Variants in DSCAM observed in about 807,000 individuals in gnomAD.
DSCAM encodes cell adhesion molecule DSCAM.
In DSCAM, 47 loss-of-function variants were observed where a neutral mutation model predicts 217.7. The observed-to-expected ratio is 0.22, with a 90% CI of 0.17 to 0.28. The LOEUF (loss-of-function observed/expected upper bound fraction) is 0.28, where lower values mean the gene tolerates loss of function less well. Among genes scored for constraint, DSCAM ranks in the 10% least tolerant of loss-of-function variants. The pLI, the probability that DSCAM is intolerant of heterozygous loss-of-function variation, is 1.00. For missense variants in DSCAM, 2,080 were observed against 2,618.3 expected (o/e 0.79, Z 4.49); for synonymous variants, 1,056 against 1,015.3 (o/e 1.04, Z -0.76).
intron 3 of DSCAM, among the ~76,000 whole-genome samples, chr21:40,597,980 G>A (rs919237523): frequency 6.6e-6 from 1 of 152,164 alleles, no homozygotes; most frequent in Non-Finnish European, 1.5e-5. Flanking sequence ...ACATTAAGCT[G>A]TACTCTGTGT....
chr21:40,692,694 A>C, intron 3 of DSCAM, 116 bp downstream of exon 3: 3 of 1,291,622 alleles, frequency 2.3e-6, no homozygotes, highest in Non-Finnish European at 3.2e-6. Flanking sequence ...CATCAGCCTT[A>C]AGAATACTAA....
At chr21:40,634,711 T>C (rs550878128) in intron 3 of DSCAM, among the ~76,000 whole-genome samples, 3 of 152,326 alleles carry the variant, frequency 2.0e-5, no homozygotes, top group South Asian at 4.1e-4. Flanking sequence ...GTGTATTCAT[T>C]TGAAGCCTGT....
intron 1 of DSCAM, among the ~76,000 whole-genome samples, chr21:40,838,377 C>G (rs999558547): frequency 1.3e-5 from 2 of 152,178 alleles, no homozygotes; most frequent in Non-Finnish European, 2.9e-5. Context: ...CCCCTCAGCC[C>G]CTGTGACCCA....
At chr21:40,637,596 T>TATATATAAATATATACATATATAA (rs2089814495) in intron 3 of DSCAM, among the ~76,000 whole-genome samples, 1 of 62,300 alleles carries the variant, frequency 1.6e-5, no homozygotes, top group African/African-American at 6.6e-5. Flanking sequence ...CATATATAAA[T>TATATATAAATATATACATATATAA]ATATATATAA....
At chr21:40,018,174 G>GA (rs746631576) in intron 32 of DSCAM, among the ~76,000 whole-genome samples, 57 of 152,126 alleles carry the variant, frequency 3.7e-4, no homozygotes, top group Non-Finnish European at 5.9e-4. Context: ...CTGTCATTAA[G>GA]AAAAAATTGA....
At chr21:40,574,745 G>C (rs1322116105) in intron 3 of DSCAM, among the ~76,000 whole-genome samples, 1 of 138,140 alleles carries the variant, frequency 7.2e-6, no homozygotes, top group African/African-American at 2.8e-5. Context: ...GACTTGCTCT[G>C]TCGCCTAGGC....
intron 20 of DSCAM, among the ~76,000 whole-genome samples, chr21:40,120,900 G>C (rs1345517797): frequency 6.6e-6 from 1 of 152,170 alleles, no homozygotes; most frequent in Non-Finnish European, 1.5e-5. Context: ...AAAAAAGCTT[G>C]TCTATTTTAA....
In DSCAM at chr21:40,249,936, T is replaced by G. The variant is rs373609802; in HGVS notation, c.2356+26161A>C. On this transcript the variant is annotated intron_variant, in intron 11 of 32. Coordinates refer to ENST00000400454, the MANE Select transcript of DSCAM (RefSeq NM_001389.5). ...CAAGGCCTCCTGGCACTATTCCAAGTGGAAGGAAACCCTAAGCTGACACAC... is the reference window on the plus strand; with the variant it reads ...CAAGGCCTCCTGGCACTATTCCAAGGGGAAGGAAACCCTAAGCTGACACAC... 4.1e-4 allele frequency among the ~76,000 whole-genome samples: 63 copies of G among 152,250 alleles called. No homozygotes were observed. The South Asian group carries it at 8.9e-3, about 22-fold the overall frequency.
chr21:40,416,325 T>C (rs182258391), intron 3 of DSCAM, among the ~76,000 whole-genome samples: 1 of 152,334 alleles, frequency 6.6e-6, no homozygotes, highest in East Asian at 1.9e-4. Context: ...ACACAGATTA[T>C]GTCTTCATCT....
chr21:40,692,378 A>C (rs559812504), intron 3 of DSCAM, among the ~76,000 whole-genome samples: 2 of 152,368 alleles, frequency 1.3e-5, no homozygotes, highest in East Asian at 3.9e-4. Context: ...CAGAGATACA[A>C]CATAACTCTC....
intron 1 of DSCAM, among the ~76,000 whole-genome samples, chr21:40,773,306 C>T (rs545019912): frequency 1.3e-5 from 2 of 152,306 alleles, no homozygotes; most frequent in Admixed American, 1.3e-4. Flanking sequence ...TGTTAATTCC[C>T]ATGCCTCTCT....
At chr21:40,644,662 A>G (rs2089922133) in intron 3 of DSCAM, among the ~76,000 whole-genome samples, 1 of 152,148 alleles carries the variant, frequency 6.6e-6, no homozygotes, top group Admixed American at 6.5e-5. Context: ...CCTAAAGAAC[A>G]TTGCATTCGG....
At chr21:40,506,741 T>A (rs550517325) in intron 3 of DSCAM, among the ~76,000 whole-genome samples, 1 of 152,278 alleles carries the variant, frequency 6.6e-6, no homozygotes, top group East Asian at 1.9e-4. Flanking sequence ...GGAAGAAGCG[T>A]TTTTAAAACT....
intron 1 of DSCAM, among the ~76,000 whole-genome samples, chr21:40,722,348 T>C (rs2090910640): frequency 6.6e-6 from 1 of 152,062 alleles, no homozygotes; most frequent in Non-Finnish European, 1.5e-5. Context: ...GTTTGTAACA[T>C]ATAGATAAAA....
At chr21:40,307,732 A>G (rs2074094589) in intron 9 of DSCAM, among the ~76,000 whole-genome samples, 1 of 152,212 alleles carries the variant, frequency 6.6e-6, no homozygotes, top group African/African-American at 2.4e-5. Flanking sequence ...GCACATATAC[A>G]TCATGGAATA....
At chr21:40,388,250 G>A (rs1426365495) in intron 3 of DSCAM, among the ~76,000 whole-genome samples, 1 of 152,146 alleles carries the variant, frequency 6.6e-6, no homozygotes, top group Non-Finnish European at 1.5e-5. Context: ...GAAAGAACGA[G>A]GTATGCGTGA....
chr21:40,209,698 C>T (rs2091163630), intron 11 of DSCAM, among the ~76,000 whole-genome samples: 1 of 152,156 alleles, frequency 6.6e-6, no homozygotes, highest in Non-Finnish European at 1.5e-5. Context: ...TGGCCTGGTC[C>T]TTCTTGGTCA....
intron 4 of DSCAM, among the ~76,000 whole-genome samples, chr21:40,357,453 C>T (rs1010090987): frequency 6.6e-6 from 1 of 152,142 alleles, no homozygotes; most frequent in Non-Finnish European, 1.5e-5. Flanking sequence ...AACTAGAAGA[C>T]ACAAAGTTGT....
In DSCAM at chr21:40,822,924, C is replaced by G. The variant is rs919129800; in HGVS notation, c.43+23695G>C. Among the ~76,000 whole-genome samples the G allele has an allele frequency of 6.6e-5, 10 of 152,180 alleles. No individual in the cohort carries two copies. In the East Asian group the frequency reaches 1.7e-3, roughly 26 times the overall value. The stretch of plus-strand genomic sequence containing the variant: ...CAGCACTTTGGGAGGCCGAGGCGGG[C>G]GGATCACTTGAGGTCAAGAGTTGGA... On this transcript the variant is annotated intron_variant, in intron 1 of 32. Coordinates refer to ENST00000400454, the MANE Select transcript of DSCAM (RefSeq NM_001389.5).
Sources: gnomAD v4.1 joint callset for allele counts (sites outside exome capture counted in the v4.1 genomes callset) on GRCh38, gnomAD v4.1.1 for gene constraint, MANE v1.5 for transcripts, NCBI Gene and HGNC (gene_info 2026-07-23, HGNC 2026-07-21) for gene names.